Variants in OPRK1 observed in about 807,000 individuals in gnomAD.
OPRK1 encodes the protein kappa-type opioid receptor.
A neutral mutation model predicts 24.5 loss-of-function variants in OPRK1; 15 were observed. The ratio of observed to expected loss-of-function variants is 0.61; its 90% confidence interval spans 0.41 to 0.94. OPRK1 has a LOEUF of 0.94. OPRK1 is among the 40% of genes least tolerant of loss of function. The probability of loss-of-function intolerance (pLI) is 0.00; values close to 1 mark genes in which losing one functional copy is unlikely to be tolerated. For synonymous variants in OPRK1, 205 were observed against 198.0 expected (o/e 1.04, Z -0.30); for missense variants, 479 against 507.3 (o/e 0.94, Z 0.54).
intron 2 of OPRK1, among the ~76,000 whole-genome samples, chr8:53,244,528 T>C (rs1807187301): frequency 6.6e-6 from 1 of 152,144 alleles, no homozygotes; most frequent in African/African-American, 2.4e-5. Context: ...CAGAGGAAGG[T>C]TCGTGAGAGA....
At chr8:53,245,242 G>A (rs750811236) in intron 2 of OPRK1, among the ~76,000 whole-genome samples, 1 of 152,150 alleles carries the variant, frequency 6.6e-6, no homozygotes, top group Non-Finnish European at 1.5e-5. Context: ...GATAATTAAG[G>A]TAAATGAGGC....
intron 3 of OPRK1, among the ~76,000 whole-genome samples, chr8:53,230,922 A>C (rs1386861359): frequency 6.6e-6 from 1 of 152,224 alleles, no homozygotes; most frequent in Non-Finnish European, 1.5e-5. Flanking sequence ...TATTTTTTTA[A>C]ATAGCAAAAC....
At chr8:53,232,700 T>C (rs776165525) in intron 3 of OPRK1, among the ~76,000 whole-genome samples, 18 of 152,356 alleles carry the variant, frequency 1.2e-4, no homozygotes, top group Non-Finnish European at 2.4e-4. Flanking sequence ...CAGAGGGCTG[T>C]GGCTTCTGCT....
Position 53,234,754 on chromosome 8 carries a change from C to G in OPRK1, c.610+5G>C. 3 of 1,605,772 alleles carry G rather than the reference C, an allele frequency of 1.9e-6. No individual in the cohort carries two copies. The highest frequency in any genetic ancestry group is 2.6e-6 in the Non-Finnish European group (3 of 1,172,990). ...TTATGAACAGAATGAAATGACTGCTCTTACCTTCCCTGACTTTGGTGCCTC... is the reference window on the plus strand; with the variant it reads ...TTATGAACAGAATGAAATGACTGCTGTTACCTTCCCTGACTTTGGTGCCTC... On this transcript the variant is annotated splice_donor_5th_base_variant and intron_variant, in intron 3 of 3. Transcript: ENST00000265572.
At chr8:53,231,532 G>A (rs1286109204) in intron 3 of OPRK1, among the ~76,000 whole-genome samples, 2 of 152,090 alleles carry the variant, frequency 1.3e-5, no homozygotes, top group Non-Finnish European at 2.9e-5. Context: ...CTTACACTTT[G>A]TCTACATGTT....
At chr8:53,244,020 T>C (rs1563330652) in intron 2 of OPRK1, among the ~76,000 whole-genome samples, 1 of 152,136 alleles carries the variant, frequency 6.6e-6, no homozygotes, top group Non-Finnish European at 1.5e-5. Context: ...ACTACAGTGA[T>C]TACAACACAT....
At chr8:53,250,486 A>T (rs1807348993) in intron 2 of OPRK1, among the ~76,000 whole-genome samples, 1 of 152,192 alleles carries the variant, frequency 6.6e-6, no homozygotes. Flanking sequence ...CCCTGCGCAT[A>T]GAGTTTTCAG....
chr8:53,250,864 G>A lies in OPRK1; in HGVS notation c.174C>T (p.Ile58=), dbSNP rs1807366910. ...QLEPAHISPA[I]PVIITAVYSV... Reference sequence around the variant, plus strand: ...AGTAGACCGCCGTGATGATGACCGGGATGGCCGGGGAGATGTGCGCGGGCT... The same window carrying A: ...AGTAGACCGCCGTGATGATGACCGGAATGGCCGGGGAGATGTGCGCGGGCT... Residue 58 remains isoleucine (I), a synonymous_variant, in exon 2 of 4, where the codon ATC becomes ATT. Coordinates refer to ENST00000265572, the MANE Select transcript of OPRK1 (RefSeq NM_000912.5). 5 of 1,613,442 alleles carry A rather than the reference G, an allele frequency of 3.1e-6. No individual in the cohort carries two copies. The highest frequency in any genetic ancestry group is 4.2e-6 in the Non-Finnish European group (5 of 1,179,760).
At chr8:53,242,268 G>T in intron 2 of OPRK1, among the ~76,000 whole-genome samples, 1 of 152,164 alleles carries the variant, frequency 6.6e-6, no homozygotes, top group East Asian at 1.9e-4. Context: ...CCAGGCAGAG[G>T]GCGCTGAGAA....
intron 2 of OPRK1, among the ~76,000 whole-genome samples, chr8:53,247,977 C>A (rs1227103227): frequency 8.1e-6 from 1 of 123,094 alleles, no homozygotes; most frequent in East Asian, 2.3e-4. Context: ...GGCAATAGAG[C>A]CAGATTCTGT....
Position 53,247,736 on chromosome 8 carries a change from C to T in OPRK1, c.257+3045G>A, listed in dbSNP as rs370826283. Among the ~76,000 whole-genome samples, 35 of 152,140 alleles carry T rather than the reference C, an allele frequency of 2.3e-4. No homozygotes were observed. The East Asian group carries it at 3.9e-3, about 17-fold the overall frequency. ...GTCAGCCAAGTGTAGTGGCTCACAC[C>T]TGTAATCCGAGCACTTTGGGAGGCC... is the stretch of plus-strand genomic sequence containing the variant. On this transcript the variant is annotated intron_variant, in intron 2 of 3. Coordinates refer to ENST00000265572, the MANE Select transcript of OPRK1 (RefSeq NM_000912.5).
chr8:53,229,987 T>A (rs1806814884), intron 3 of OPRK1, among the ~76,000 whole-genome samples, 158 bp from the exon 4 acceptor site: 1 of 152,082 alleles, frequency 6.6e-6, no homozygotes, highest in African/African-American at 2.4e-5. Flanking sequence ...TACTAATGAA[T>A]ACTGTATTTT....
chr8:53,238,756 G>T, intron 2 of OPRK1: 1 of 977,986 alleles, frequency 1.0e-6, no homozygotes, highest in Non-Finnish European at 1.2e-6. Context: ...CACCAGGCAG[G>T]GTTTCTGGGA....
intron 3 of OPRK1, among the ~76,000 whole-genome samples, chr8:53,231,975 A>G (rs979112779): frequency 6.6e-6 from 1 of 152,164 alleles, no homozygotes; most frequent in Non-Finnish European, 1.5e-5. Flanking sequence ...AACAACAGCT[A>G]CTTTACAAGA....
At chr8:53,238,142 T>C (rs959416628) in intron 2 of OPRK1, among the ~76,000 whole-genome samples, 2 of 152,212 alleles carry the variant, frequency 1.3e-5, no homozygotes, top group Non-Finnish European at 2.9e-5. Flanking sequence ...CAGGGTATTG[T>C]TTGTATCTAA....
rs148660369 is a variant in OPRK1, at chr8:53,232,286, T to C, written c.611-2457A>G. Among the ~76,000 whole-genome samples, 330 of 152,112 alleles carry C rather than the reference T, an allele frequency of 2.2e-3. 3 individuals are homozygous for C. The highest frequency in any genetic ancestry group is 7.5e-3 in the African/African-American group (313 of 41,488). On this transcript the variant is annotated intron_variant, in intron 3 of 3. Transcript: ENST00000265572. ...GGATATACAGGGGTTGGTTAATGCA[T>C]ACGAAATACGCTTAGAAGAAAAAGG... is the stretch of plus-strand genomic sequence containing the variant.
chr8:53,251,156 G>T, intron 1 of OPRK1, 71 bp from the exon 2 acceptor site: 1 of 1,388,916 alleles, frequency 7.2e-7, no homozygotes. Context: ...GCGGCGCTGG[G>T]GACCCGGAGC....
rs533407639 is a variant in OPRK1 at position 53,234,632 on chromosome 8, G to C, written c.610+127C>G. 23 of 745,490 alleles carry C rather than the reference G, an allele frequency of 3.1e-5. No individual in the cohort carries two copies. The African/African-American group carries it at 4.0e-4, about 13-fold the overall frequency. 46.2% of individuals were successfully genotyped at this position (745,490 alleles called of 1,614,324 possible). ...CTACTTCTCATCTTCCATGGATTTA[G>C]GCACTACATTTCCGTCGTCTTTTGG... On this transcript the variant is annotated intron_variant, in intron 3 of 3. Coordinates refer to ENST00000265572, the MANE Select transcript of OPRK1 (RefSeq NM_000912.5).
At chr8:53,232,529 T>C (rs529786899) in intron 3 of OPRK1, among the ~76,000 whole-genome samples, 30 of 152,280 alleles carry the variant, frequency 2.0e-4, no homozygotes, top group Non-Finnish European at 3.5e-4. Context: ...CTATTATGAA[T>C]TCATAAAAAC....
Sources: gnomAD v4.1 joint callset for allele counts (sites outside exome capture counted in the v4.1 genomes callset) on GRCh38, gnomAD v4.1.1 for gene constraint, MANE v1.5 for transcripts, NCBI Gene and HGNC (gene_info 2026-07-23, HGNC 2026-07-21) for gene names.